KIAA1217: variants seen among roughly 807,000 people sequenced by gnomAD.
KIAA1217 encodes KIAA1217.
Under a neutral mutation model 163.9 loss-of-function variants are expected in KIAA1217, and 88 were observed. The ratio of observed to expected loss-of-function variants is 0.54; its 90% CI spans 0.45 to 0.64. The LOEUF (loss-of-function observed/expected upper bound fraction) is 0.64. KIAA1217 is among the 30% of genes least tolerant of loss of function. The pLI is 0.00. For synonymous variants in KIAA1217, 903 were observed against 923.1 expected (o/e 0.98, Z 0.39); for missense variants, 2,372 against 2,475.0 (o/e 0.96, Z 0.88).
intron 2 of KIAA1217, among the ~76,000 whole-genome samples, chr10:24,328,486 C>T (rs1027779335): frequency 3.2e-4 from 40 of 125,200 alleles, no homozygotes; most frequent in African/African-American, 1.2e-3. Flanking sequence ...AAGACTGGGG[C>T]GATCAGTTTT....
chr10:23,945,454 G>A (rs1462423918), intron 1 of KIAA1217, among the ~76,000 whole-genome samples: 1 of 152,208 alleles, frequency 6.6e-6, no homozygotes, highest in East Asian at 1.9e-4. Context: ...AGCAATGGCT[G>A]CTTATGGAAG....
Position 23,856,956 on chromosome 10 carries a change from C to T in KIAA1217, c.-320-150269C>T, listed in dbSNP as rs182030221. On this transcript the variant is annotated intron_variant, in intron 1 of 18. Transcript: ENST00000376462. ...GGAAAGGGAACTCCCTGACCCCTTGCGCTTCCCAAGTGAGGCAATGCCTCG... is the reference window on the plus strand; with the variant it reads ...GGAAAGGGAACTCCCTGACCCCTTGTGCTTCCCAAGTGAGGCAATGCCTCG... Among the ~76,000 whole-genome samples the T allele has an allele frequency of 1.0e-3, 153 of 152,366 alleles. 1 individual carries two copies. The South Asian group carries it at 0.013, about 13-fold the overall frequency.
chr10:24,407,730 T>C (rs1252638789), intron 3 of KIAA1217, among the ~76,000 whole-genome samples: 1 of 152,154 alleles, frequency 6.6e-6, no homozygotes, highest in Admixed American at 6.5e-5. Context: ...ATTTTAGAGT[T>C]AGTGTTTTCG....
At chr10:24,275,768 C>G (rs780096355) in intron 2 of KIAA1217, 4 of 527,318 alleles carry the variant, frequency 7.6e-6, no homozygotes, top group Non-Finnish European at 1.6e-5. Context: ...TACTTTTGCT[C>G]CAACTTAATA....
At chr10:24,266,634 G>A (rs896678565) in intron 2 of KIAA1217, among the ~76,000 whole-genome samples, 2 of 152,048 alleles carry the variant, frequency 1.3e-5, no homozygotes, top group African/African-American at 4.8e-5. Flanking sequence ...TTAGTGCTCT[G>A]TAAAACACAC....
chr10:23,752,638 C>G (rs1412409927), intron 1 of KIAA1217, among the ~76,000 whole-genome samples: 2 of 152,140 alleles, frequency 1.3e-5, no homozygotes, highest in African/African-American at 4.8e-5. Context: ...CAATTTCCCT[C>G]AGGTATCATT....
intron 2 of KIAA1217, among the ~76,000 whole-genome samples, chr10:24,156,974 A>G (rs1415767369): frequency 6.6e-6 from 1 of 152,218 alleles, no homozygotes; most frequent in Non-Finnish European, 1.5e-5. Flanking sequence ...AACATACCTG[A>G]TTAAAGTACA....
At chr10:24,442,719 G>A (rs986268191) in intron 5 of KIAA1217, among the ~76,000 whole-genome samples, 1 of 152,028 alleles carries the variant, frequency 6.6e-6, no homozygotes, top group Non-Finnish European at 1.5e-5. Flanking sequence ...TGTGGGAGGA[G>A]GGATGTAAAA....
intron 3 of KIAA1217, among the ~76,000 whole-genome samples, chr10:24,388,037 A>G (rs533254050): frequency 8.5e-5 from 13 of 152,364 alleles, no homozygotes; most frequent in Non-Finnish European, 1.5e-4. Context: ...CTTTCTTCAC[A>G]GAATTGGAAA....
At chr10:24,379,511 T>A (rs1397206418) in intron 2 of KIAA1217, among the ~76,000 whole-genome samples, 1 of 152,196 alleles carries the variant, frequency 6.6e-6, no homozygotes, top group Non-Finnish European at 1.5e-5. Flanking sequence ...CGGAAGGTAC[T>A]GACCTTATCC....
intron 2 of KIAA1217, among the ~76,000 whole-genome samples, chr10:24,275,205 C>G (rs183472377): frequency 2.8e-4 from 42 of 152,260 alleles, no homozygotes; most frequent in African/African-American, 9.9e-4. Context: ...TGGTCTTGAA[C>G]TCCTGTCACA....
At chr10:24,436,595 G>A (rs7074851) in intron 4 of KIAA1217, among the ~76,000 whole-genome samples, 8,339 of 151,330 alleles carry the variant, frequency 0.055, 752 homozygotes, top group African/African-American at 0.19. Context: ...CGTCTCTACG[G>A]AAAATACAAA....
intron 1 of KIAA1217, among the ~76,000 whole-genome samples, chr10:23,964,012 A>G (rs1589150728): frequency 6.7e-6 from 1 of 148,678 alleles, no homozygotes; most frequent in Non-Finnish European, 1.5e-5. Flanking sequence ...TCCTGCCTCA[A>G]CCTCCCAAGT....
intron 2 of KIAA1217, among the ~76,000 whole-genome samples, chr10:24,107,975 C>A (rs2062696432): frequency 6.6e-6 from 1 of 152,070 alleles, no homozygotes; most frequent in Non-Finnish European, 1.5e-5. Context: ...TTGTAGGTGG[C>A]AGGATGGGGT....
At chr10:24,278,599 A>G (rs959609216) in intron 2 of KIAA1217, among the ~76,000 whole-genome samples, 1 of 152,062 alleles carries the variant, frequency 6.6e-6, no homozygotes, top group Non-Finnish European at 1.5e-5. Context: ...TTGGATACCA[A>G]CTCTGCTGTT....
At chr10:23,992,180 G>A (rs1846247334) in intron 1 of KIAA1217, among the ~76,000 whole-genome samples, 1 of 152,102 alleles carries the variant, frequency 6.6e-6, no homozygotes, top group African/African-American at 2.4e-5. Flanking sequence ...AGATTTATAA[G>A]TTTTCTTTTT....
At chr10:24,195,662 A>T (rs905037064) in intron 2 of KIAA1217, among the ~76,000 whole-genome samples, 1 of 152,202 alleles carries the variant, frequency 6.6e-6, no homozygotes, top group Non-Finnish European at 1.5e-5. Context: ...ACAGCGAGAT[A>T]CTGAATGAGA....
chr10:23,919,724 G>A (rs1197269950), intron 1 of KIAA1217, among the ~76,000 whole-genome samples: 2 of 151,462 alleles, frequency 1.3e-5, no homozygotes, highest in Non-Finnish European at 2.9e-5. Context: ...TGCTCTGGGA[G>A]CAGATGACAG....
At chr10:24,313,359 A>G (rs2133089658) in intron 2 of KIAA1217, among the ~76,000 whole-genome samples, 1 of 152,316 alleles carries the variant, frequency 6.6e-6, no homozygotes, top group South Asian at 2.1e-4. Context: ...TCTTACTGGT[A>G]GGCTTGAGGA....
Sources: gnomAD v4.1 joint callset for allele counts (sites outside exome capture counted in the v4.1 genomes callset) on GRCh38, gnomAD v4.1.1 for gene constraint, MANE v1.5 for transcripts, NCBI Gene and HGNC (gene_info 2026-07-23, HGNC 2026-07-21) for gene names.